The following AXIN2 variants were observed in gnomAD, a reference collection of about 807,000 sequenced individuals.
The protein encoded by AXIN2 is axin-2.
AXIN2 carries 21 observed loss-of-function variants against 74.7 expected under a neutral mutation model. That is an observed-to-expected ratio of 0.28 (90% CI 0.20 to 0.40). The LOEUF is 0.40. Among genes scored for constraint, AXIN2 ranks in the 10% least tolerant of loss-of-function variants. The pLI, the probability that AXIN2 is intolerant of heterozygous loss-of-function variation, is 1.00. For missense variants in AXIN2, 1,144 were observed against 1,111.1 expected (o/e 1.03, Z -0.42); for synonymous variants, 532 against 454.9 (o/e 1.17, Z -2.16).
chr17:65,542,619 A>T (rs574094609), intron 3 of AXIN2, among the ~76,000 whole-genome samples: 1 of 152,338 alleles, frequency 6.6e-6, no homozygotes, highest in East Asian at 1.9e-4. Flanking sequence ...AAGAATTTTT[A>T]AAAAGCTGCC....
At position 65,529,287 on chromosome 17, in the gene AXIN2, A is replaced by C. The variant is rs1235875632; in HGVS notation, c.*689T>G. ...ATCCAACACAACCCCCAAAATGTTG[A>C]TGATGACGCAACATGGTCAACCCTC... On this transcript the variant is annotated 3_prime_UTR_variant, in exon 11 of 11. Transcript: ENST00000307078. 4.7e-5 allele frequency: 11 copies of C among 236,206 alleles called. No homozygotes were observed. The highest frequency in any genetic ancestry group is 7.5e-5 in the Non-Finnish European group (9 of 119,984). The allele number at this position is 236,206 out of a possible 1,614,324, so 14.6% of individuals were successfully genotyped here. A position where few individuals can be genotyped will look rare whatever the true frequency, so the allele number is the denominator to read the frequency against.
At chr17:65,538,412 G>A (rs2144479936) in intron 4 of AXIN2, 69 bp from the exon 5 acceptor site, 8 of 1,600,112 alleles carry the variant, frequency 5.0e-6, no homozygotes, top group Non-Finnish European at 6.8e-6. Flanking sequence ...CTTGGCCGGA[G>A]CTTCCCGCAC....
rs902728268 is a variant in AXIN2, at chr17:65,529,455, A to G, written c.*521T>C. 2.5e-5 allele frequency: 7 copies of G among 276,906 alleles called. No homozygotes were observed. Among genetic ancestry groups the G allele is most frequent in the African/African-American group, 1.1e-4 (5 of 46,152 alleles). 17.2% of individuals were successfully genotyped at this position (276,906 alleles called of 1,614,324 possible). On this transcript the variant is annotated 3_prime_UTR_variant, in exon 11 of 11. Coordinates refer to ENST00000307078, the MANE Select transcript of AXIN2 (RefSeq NM_004655.4). ...CACTTGGAGGGACGTAGTGCAAAGCATAATTCCTCTGTTAGTGAAGAAACC... is the reference window on the plus strand; with the variant it reads ...CACTTGGAGGGACGTAGTGCAAAGCGTAATTCCTCTGTTAGTGAAGAAACC...
At chr17:65,561,404 G>A (rs1340865004) in intron 1 of AXIN2, 46 bp downstream of exon 1, 2 of 148,438 alleles carry the variant, frequency 1.3e-5, no homozygotes, top group African/African-American at 4.9e-5. Context: ...GTAAGAGGGG[G>A]GCTTTCTTTG....
At chr17:65,557,758 T>C (rs2044289694) in intron 2 of AXIN2, 48 bp downstream of exon 2, 1 of 1,586,054 alleles carries the variant, frequency 6.3e-7, no homozygotes, top group African/African-American at 1.3e-5. Context: ...ACTTAAAACA[T>C]CTGCAAAGTC....
chr17:65,552,459 T>C (rs1198975487), intron 2 of AXIN2, among the ~76,000 whole-genome samples: 1 of 152,186 alleles, frequency 6.6e-6, no homozygotes. Context: ...CTTGGGGCCT[T>C]TTCCTGTTGT....
rs1229715038 is a variant in AXIN2, at chr17:65,536,396, T to C, written c.2065A>G (p.Thr689Ala). 2.5e-6 allele frequency: 4 copies of C among 1,613,718 alleles called. No homozygotes were observed. The highest frequency in any genetic ancestry group is 3.4e-6 in the Non-Finnish European group (4 of 1,179,996). The change falls in exon 8 of 11, where the codon ACC (threonine) becomes GCC (alanine). Residue 689 changes from threonine (T) to alanine (A), a missense_variant. Physicochemically the swap from Thr to Ala is moderately conservative, Grantham distance 58. Transcript: ENST00000307078. ...FTQDPAMPPLTPPNTLAQLEE... is the reference protein window; with the variant it reads ...FTQDPAMPPLAPPNTLAQLEE... The stretch of plus-strand genomic sequence containing the variant: ...AGCTGAGCCAGCGTGTTGGGTGGGG[T>C]CAGGGGAGGCATCGCAGGGTCCTGG...
At chr17:65,553,875 C>T (rs979056588) in intron 2 of AXIN2, among the ~76,000 whole-genome samples, 1 of 150,014 alleles carries the variant, frequency 6.7e-6, no homozygotes, top group African/African-American at 2.5e-5. Context: ...ACTCAAACCA[C>T]GCTACAGTAA....
intron 3 of AXIN2, among the ~76,000 whole-genome samples, chr17:65,547,606 A>G (rs2044135129): frequency 6.6e-6 from 1 of 152,234 alleles, no homozygotes; most frequent in Admixed American, 6.5e-5. Context: ...AGGACCAGGA[A>G]GCAAGCCAAA....
Position 65,529,843 on chromosome 17 carries a change from C to T in AXIN2, c.*133G>A, listed in dbSNP as rs779947118. ...CCCGCCCTCCCGAAGGCCCACTGGCCGATTCTTCCTTAGACTTTGTCTTCT... is the reference window on the plus strand; with the variant it reads ...CCCGCCCTCCCGAAGGCCCACTGGCTGATTCTTCCTTAGACTTTGTCTTCT... On this transcript the variant is annotated 3_prime_UTR_variant, in exon 11 of 11. Coordinates refer to ENST00000307078, the MANE Select transcript of AXIN2 (RefSeq NM_004655.4). 1.1e-5 allele frequency: 17 copies of T among 1,516,330 alleles called. No homozygotes were observed. The Admixed American group carries it at 1.3e-4, about 12-fold the overall frequency. 93.9% of individuals were successfully genotyped at this position (1,516,330 alleles called of 1,614,324 possible).
chr17:65,548,593 C>G (rs1435611622), intron 3 of AXIN2, among the ~76,000 whole-genome samples: 1 of 152,130 alleles, frequency 6.6e-6, no homozygotes, highest in Non-Finnish European at 1.5e-5. Context: ...GGGTGAGAAG[C>G]CTTTGGGGAA....
chr17:65,534,844 T>C (rs2043881267), intron 9 of AXIN2, among the ~76,000 whole-genome samples: 1 of 151,994 alleles, frequency 6.6e-6, no homozygotes, highest in Non-Finnish European at 1.5e-5. Flanking sequence ...GCAGGAGAAC[T>C]GCCTGAACCC....
rs115114786 is a variant in AXIN2, at chr17:65,543,175, C to T, written c.957-1618G>A. On this transcript the variant is annotated intron_variant, in intron 3 of 10. Coordinates refer to ENST00000307078, the MANE Select transcript of AXIN2 (RefSeq NM_004655.4). ...GATCAGTATCCAGAGCAACAACTTA[C>T]CCCCAAGTGTGAGTACTGCCCCAAA... Among the ~76,000 whole-genome samples, 1,279 of 151,736 alleles carry T rather than the reference C, an allele frequency of 8.4e-3. 22 individuals are homozygous for T. The highest frequency in any genetic ancestry group is 0.03 in the African/African-American group (1,223 of 41,090).
At chr17:65,558,761 G>A in intron 1 of AXIN2, 25 bp from the exon 2 acceptor site, 1 of 864,712 alleles carries the variant, frequency 1.2e-6, no homozygotes, top group Non-Finnish European at 1.9e-6. Context: ...AAGGGGGGAG[G>A]TGGGGAGAGA....
chr17:65,531,740 G>A (rs1274360107), intron 10 of AXIN2, among the ~76,000 whole-genome samples: 3 of 152,002 alleles, frequency 2.0e-5, no homozygotes, highest in African/African-American at 7.2e-5. Flanking sequence ...CCAAGAAACA[G>A]GCTTTTCCAC....
Position 65,529,828 on chromosome 17 carries a change from C to T in AXIN2, c.*148G>A, listed in dbSNP as rs1023380115. 8.1e-6 allele frequency: 11 copies of T among 1,365,444 alleles called. No homozygotes were observed. The highest frequency in any genetic ancestry group is 2.5e-4 in the Middle Eastern group (1 of 3,986). 84.6% of individuals were successfully genotyped at this position (1,365,444 alleles called of 1,614,324 possible). ...GAAAATCAACCTCCCCCCGCCCTCC[C>T]GAAGGCCCACTGGCCGATTCTTCCT... is the stretch of plus-strand genomic sequence containing the variant. On this transcript the variant is annotated 3_prime_UTR_variant, in exon 11 of 11. Transcript: ENST00000307078.
chr17:65,557,858 G>A lies in AXIN2; in HGVS notation c.763C>T (p.Leu255=). The A allele has an allele frequency of 1.9e-6, 3 of 1,614,216 alleles. No homozygotes were observed. Among genetic ancestry groups the A allele is most frequent in the Non-Finnish European group, 2.5e-6 (3 of 1,180,054 alleles). Reference sequence around the variant, plus strand: ...GACCTCACACTCGCCGTGGCCCTCAGAGTTTTGCTGGACAAGCCAACCACG... The same window carrying A: ...GACCTCACACTCGCCGTGGCCCTCAAAGTTTTGCTGGACAAGCCAACCACG... ...PTVVGLSSKT[L]RATASVRSTE... Residue 255 remains leucine, a synonymous_variant, in exon 2 of 11, where the codon CTG becomes TTG. Transcript: ENST00000307078.
At chr17:65,538,143 A>C (rs1168238184) in intron 5 of AXIN2, 60 bp downstream of exon 5, 1 of 1,612,904 alleles carries the variant, frequency 6.2e-7, no homozygotes, top group East Asian at 2.2e-5. Context: ...GCACATGCGC[A>C]TACACATACG....
At position 65,536,559 on chromosome 17, in the gene AXIN2, C is replaced by T. The variant is rs2144444459; in HGVS notation, c.1908-6G>A. The T allele has an allele frequency of 2.5e-6, 4 of 1,613,350 alleles. No homozygotes were observed. Among genetic ancestry groups the T allele is most frequent in the South Asian group, 2.2e-5 (2 of 91,078 alleles). ...CCTTTTTTGTGCTTTGGGCACTAAA[C>T]AAGGAATGAGCAGAGAGAAAACAGA... On this transcript the variant is annotated splice_polypyrimidine_tract_variant and splice_region_variant and intron_variant, in intron 7 of 10. Coordinates refer to ENST00000307078, the MANE Select transcript of AXIN2 (RefSeq NM_004655.4).
Sources: gnomAD v4.1 joint callset for allele counts (sites outside exome capture counted in the v4.1 genomes callset) on GRCh38, gnomAD v4.1.1 for gene constraint, MANE v1.5 for transcripts, NCBI Gene and HGNC (gene_info 2026-07-23, HGNC 2026-07-21) for gene names.